The following GRXCR2 variants were observed in gnomAD, a reference collection of about 807,000 sequenced individuals.
The protein encoded by GRXCR2 is glutaredoxin and cysteine rich domain containing 2.
In GRXCR2, 23 loss-of-function variants were observed where a neutral mutation model predicts 24.8. That is an observed-to-expected ratio of 0.93 (90% CI 0.67 to 1.32). The LOEUF (loss-of-function observed/expected upper bound fraction) is 1.32. GRXCR2 is among the 40% of genes most tolerant of loss of function. The pLI, the probability that GRXCR2 is intolerant of heterozygous loss-of-function variation, is 0.00. For synonymous variants in GRXCR2, 130 were observed against 116.1 expected, an observed-to-expected ratio of 1.12 and a Z score of -0.77; for missense variants, 315 against 303.4, an observed-to-expected ratio of 1.04 and a Z score of -0.28.
chr5:145,920,306 C>G (rs1468350107), intron 2 of GRXCR2, among the ~76,000 whole-genome samples: 2 of 152,178 alleles, frequency 1.3e-5, no homozygotes, highest in Admixed American at 1.3e-4. Flanking sequence ...GTTAGAGATG[C>G]ATAGGCCCTG....
At chr5:145,900,090 A>G (rs1262333319) in intron 2 of GRXCR2, among the ~76,000 whole-genome samples, 1 of 152,094 alleles carries the variant, frequency 6.6e-6, no homozygotes. Context: ...AAAATGGGCA[A>G]CAGATATTGA....
At chr5:145,895,853 G>T (rs1403736973) in intron 2 of GRXCR2, among the ~76,000 whole-genome samples, 1 of 152,176 alleles carries the variant, frequency 6.6e-6, no homozygotes, top group Non-Finnish European at 1.5e-5. Context: ...AACAAAGCTG[G>T]AGGCATCACA....
At chr5:145,860,597 G>A (rs1000901330) in intron 2 of GRXCR2, among the ~76,000 whole-genome samples, 6 of 152,118 alleles carry the variant, frequency 3.9e-5, no homozygotes, top group African/African-American at 1.4e-4. Flanking sequence ...ATCGATAAAT[G>A]TTACAATCCT....
rs529914259 is a variant in GRXCR2, at chr5:145,869,258, G to A, written c.337-2530C>T. ...TTATGAACTTCCGTTTTTCCAATCT[G>A]TAAAACACTCATAGAAATGTTGTGA... On this transcript the variant is annotated intron_variant, in intron 1 of 2. Transcript: ENST00000377976. Among the ~76,000 whole-genome samples the A allele has an allele frequency of 1.1e-4, 17 of 152,278 alleles. No homozygotes were observed. In the South Asian group the frequency reaches 1.4e-3, roughly 13 times the overall value.
In GRXCR2 at chr5:145,897,918, C is replaced by G. The variant is rs570899025; in HGVS notation, c.-69-31190G>C. Among the ~76,000 whole-genome samples the G allele has an allele frequency of 4.6e-5, 7 of 151,920 alleles. No individual in the cohort carries two copies. In the South Asian group the frequency reaches 1.5e-3, roughly 32 times the overall value. ...ATCACACCTAGAGGAATTAGAAAAA[C>G]AAGATAAAACTAACCCCAAAGGTAG... On this transcript the variant is annotated intron_variant, in intron 2 of 3. Transcript: ENST00000639411.
chr5:145,877,656 C>T (rs1756638523), upstream of GRXCR2, among the ~76,000 whole-genome samples: 1 of 152,206 alleles, frequency 6.6e-6, no homozygotes, highest in Admixed American at 6.5e-5. Flanking sequence ...ACGCAGAAGA[C>T]ATGTGATTTC....
intron 2 of GRXCR2, among the ~76,000 whole-genome samples, chr5:145,892,967 G>A (rs1756892123): frequency 6.6e-6 from 1 of 152,178 alleles, no homozygotes; most frequent in Admixed American, 6.5e-5. Context: ...AAGAGAGTGG[G>A]GGCCAATATT....
chr5:145,925,331 C>T (rs1757375402), intron 2 of GRXCR2, among the ~76,000 whole-genome samples: 1 of 152,150 alleles, frequency 6.6e-6, no homozygotes, highest in Non-Finnish European at 1.5e-5. Context: ...ATATCTATAT[C>T]TTTTGAGCAC....
intron 2 of GRXCR2, among the ~76,000 whole-genome samples, chr5:145,918,516 C>A (rs971557342): frequency 6.6e-6 from 1 of 152,208 alleles, no homozygotes. Flanking sequence ...CTTCGATACT[C>A]ACAGCAGAGA....
intron 2 of GRXCR2, among the ~76,000 whole-genome samples, chr5:145,885,541 A>G (rs945201215): frequency 6.6e-6 from 1 of 152,238 alleles, no homozygotes; most frequent in African/African-American, 2.4e-5. Flanking sequence ...TTCTCAAAGT[A>G]CAACTTACAG....
upstream of GRXCR2, among the ~76,000 whole-genome samples, chr5:145,877,636 A>G (rs1178387683): frequency 6.6e-6 from 1 of 152,242 alleles, no homozygotes; most frequent in South Asian, 2.1e-4. Flanking sequence ...TGCAGCTCCC[A>G]AAGTGATCAA....
At chr5:145,869,725 T>C (rs1476800874) in intron 1 of GRXCR2, among the ~76,000 whole-genome samples, 1 of 151,996 alleles carries the variant, frequency 6.6e-6, no homozygotes, top group African/African-American at 2.4e-5. Context: ...ACCTGGCTAA[T>C]TTTTTGTATT....
At position 145,860,244 on chromosome 5, in the gene GRXCR2, G is replaced by A. The variant is rs180969869; in HGVS notation, c.565-329C>T. On this transcript the variant is annotated intron_variant, in intron 2 of 2. Transcript: ENST00000377976. ...GGGCAAGGACTTTATTTTCCTTATT[G>A]CCAAATACTACAAGTGAACCCTTGT... 2.6e-3 allele frequency among the ~76,000 whole-genome samples: 389 copies of A among 152,172 alleles called. 1 individual carries two copies. The highest frequency in any genetic ancestry group is 9.1e-3 in the African/African-American group (379 of 41,510).
At chr5:145,923,346 G>GAA (rs200941515) in intron 2 of GRXCR2, among the ~76,000 whole-genome samples, 1 of 152,134 alleles carries the variant, frequency 6.6e-6, no homozygotes, top group African/African-American at 2.4e-5. Flanking sequence ...GAGCCTGCAA[G>GAA]AAAAAATGCA....
At position 145,868,959 on chromosome 5, in the gene GRXCR2, G is replaced by A. The variant is rs553993708; in HGVS notation, c.337-2231C>T. Among the ~76,000 whole-genome samples the A allele has an allele frequency of 5.9e-5, 9 of 152,306 alleles. No homozygotes were observed. In the East Asian group the frequency reaches 1.7e-3, roughly 29 times the overall value. On this transcript the variant is annotated intron_variant, in intron 1 of 2. Transcript: ENST00000377976. ...AACACCCAGTCCTACATGATAGAGG[G>A]CCAGGAAAAAGCCAAGAATTTTTCA...
intron 2 of GRXCR2, among the ~76,000 whole-genome samples, chr5:145,906,045 A>T (rs377637497): frequency 6.6e-6 from 1 of 152,176 alleles, no homozygotes; most frequent in Non-Finnish European, 1.5e-5. Context: ...TCTGGGGCAT[A>T]ATAGTCACAA....
At chr5:145,891,521 G>A (rs999380327) in intron 2 of GRXCR2, among the ~76,000 whole-genome samples, 1 of 152,220 alleles carries the variant, frequency 6.6e-6, no homozygotes, top group Admixed American at 6.5e-5. Context: ...TACGCCCACG[G>A]AGCCTTGCTC....
chr5:145,910,978 C>G (rs1489010203), intron 2 of GRXCR2, among the ~76,000 whole-genome samples: 1 of 151,296 alleles, frequency 6.6e-6, no homozygotes, highest in Non-Finnish European at 1.5e-5. Flanking sequence ...TGTTATGAGG[C>G]AGGGCTTCTT....
intron 2 of GRXCR2, among the ~76,000 whole-genome samples, chr5:145,863,281 G>C (rs1177340459): frequency 6.6e-6 from 1 of 152,170 alleles, no homozygotes; most frequent in South Asian, 2.1e-4. Flanking sequence ...AATAAAACTT[G>C]TCTGGGCATT....
Sources: gnomAD v4.1 joint callset for allele counts (sites outside exome capture counted in the v4.1 genomes callset) on GRCh38, gnomAD v4.1.1 for gene constraint, MANE v1.5 for transcripts, NCBI Gene and HGNC (gene_info 2026-07-23, HGNC 2026-07-21) for gene names.